The following SMYD3 variants were observed in gnomAD, a reference collection of about 807,000 sequenced individuals.
SMYD3 encodes histone-lysine N-methyltransferase SMYD3.
In SMYD3, 36 loss-of-function variants were observed where a neutral mutation model predicts 57.7. The observed-to-expected ratio is 0.62, with a 90% CI of 0.48 to 0.82. The LOEUF (loss-of-function observed/expected upper bound fraction) is 0.82. Ranked by LOEUF, SMYD3 falls within the 40% of genes least tolerant of loss-of-function variation. The probability of loss-of-function intolerance (pLI) is 0.00; values close to 1 mark genes in which losing one functional copy is unlikely to be tolerated. For synonymous variants in SMYD3, 211 were observed against 195.0 expected (o/e 1.08, Z -0.68); for missense variants, 515 against 538.8 (o/e 0.96, Z 0.44).
At chr1:246,465,767 T>C (rs1027095942) in intron 1 of SMYD3, among the ~76,000 whole-genome samples, 6 of 152,118 alleles carry the variant, frequency 3.9e-5, no homozygotes, top group South Asian at 4.1e-4. Flanking sequence ...ACTTAAACAC[T>C]TGTTTTTTGT....
At chr1:246,376,460 A>C (rs559504420) in intron 1 of SMYD3, among the ~76,000 whole-genome samples, 472 of 151,220 alleles carry the variant, frequency 3.1e-3, no homozygotes, top group African/African-American at 0.011. Context: ...GCGTGGTGGC[A>C]GGTGCCTGTA....
chr1:245,867,509 T>C (rs548447916), intron 8 of SMYD3, among the ~76,000 whole-genome samples: 1 of 152,270 alleles, frequency 6.6e-6, no homozygotes, highest in East Asian at 1.9e-4. Context: ...ATCACTCATT[T>C]ATTCCATTAA....
intron 2 of SMYD3, among the ~76,000 whole-genome samples, chr1:246,337,426 G>C (rs2065561129): frequency 6.6e-6 from 1 of 152,130 alleles, no homozygotes; most frequent in South Asian, 2.1e-4. Context: ...TTGTATGTGA[G>C]TGGGTTAAGC....
At chr1:246,201,378 G>T (rs12069319) in intron 5 of SMYD3, among the ~76,000 whole-genome samples, 19,339 of 152,058 alleles carry the variant, frequency 0.13, 3,192 homozygotes, top group African/African-American at 0.38. Flanking sequence ...GCAGAAAATG[G>T]GTGTTCATCT....
rs970256538 is a variant in SMYD3 at position 245,758,518 on chromosome 1, T to C, written c.1185+5523A>G. On this transcript the variant is annotated intron_variant, in intron 11 of 11. Coordinates refer to ENST00000490107, the MANE Select transcript of SMYD3 (RefSeq NM_001167740.2). The stretch of plus-strand genomic sequence containing the variant: ...AATTTTACTTTTTCTTCAGTATTTT[T>C]TTCTGTTTTTCAGCTTGGGCAGTTT... Among the ~76,000 whole-genome samples the C allele has an allele frequency of 3.9e-5, 6 of 152,298 alleles. No individual in the cohort carries two copies. In the East Asian group the frequency reaches 9.6e-4, roughly 24 times the overall value.
rs558738622 is a variant in SMYD3 at position 246,250,072 on chromosome 1, C to T, written c.531+77129G>A. 1.3e-3 allele frequency among the ~76,000 whole-genome samples: 195 copies of T among 152,282 alleles called. 1 individual carries two copies. Among genetic ancestry groups the T allele is most frequent in the Non-Finnish European group, 2.4e-3 (165 of 68,026 alleles). ...CTCCCCCTCTCTTGATATATACCTG[C>T]AAAACTGTCTAAAAATTCTATAAAA... On this transcript the variant is annotated intron_variant, in intron 5 of 11. Coordinates refer to ENST00000490107, the MANE Select transcript of SMYD3 (RefSeq NM_001167740.2).
intron 7 of SMYD3, among the ~76,000 whole-genome samples, chr1:245,916,531 C>T (rs1273400658): frequency 2.0e-5 from 3 of 152,116 alleles, no homozygotes; most frequent in Non-Finnish European, 4.4e-5. Context: ...TTTGACTTAT[C>T]CAAGTTGAAG....
intron 5 of SMYD3, among the ~76,000 whole-genome samples, chr1:246,267,488 G>A (rs1426443979): frequency 6.6e-6 from 1 of 152,148 alleles, no homozygotes; most frequent in Non-Finnish European, 1.5e-5. Flanking sequence ...ACATTTTAAA[G>A]TTTTCATTTG....
intron 11 of SMYD3, among the ~76,000 whole-genome samples, chr1:245,760,210 T>C (rs777273343): frequency 6.6e-6 from 1 of 152,246 alleles, no homozygotes; most frequent in Non-Finnish European, 1.5e-5. Context: ...GAAGCTCCTC[T>C]GATTTCTATT....
intron 5 of SMYD3, among the ~76,000 whole-genome samples, chr1:246,084,782 A>T (rs1457560536): frequency 6.6e-6 from 1 of 152,240 alleles, no homozygotes; most frequent in Non-Finnish European, 1.5e-5. Context: ...ATCAATGGCA[A>T]CAAAAGAATG....
At chr1:245,919,128 C>T (rs891612889) in intron 7 of SMYD3, among the ~76,000 whole-genome samples, 3 of 152,170 alleles carry the variant, frequency 2.0e-5, no homozygotes, top group South Asian at 2.1e-4. Flanking sequence ...CTGGCTTCCC[C>T]GCTGCCTGCA....
intron 5 of SMYD3, among the ~76,000 whole-genome samples, chr1:246,269,543 C>CT (rs570972296): frequency 0.022 from 3,028 of 135,160 alleles, 35 homozygotes; most frequent in Middle Eastern, 0.027. Flanking sequence ...CTTTTTTTTT[C>CT]TTTTTTTTTT....
intron 8 of SMYD3, among the ~76,000 whole-genome samples, chr1:245,887,785 A>T (rs1462712189): frequency 6.6e-6 from 1 of 152,164 alleles, no homozygotes; most frequent in Non-Finnish European, 1.5e-5. Flanking sequence ...CAGGAAGGGG[A>T]CATCTTTCAA....
chr1:246,090,672 C>G (rs2060808216), intron 5 of SMYD3, among the ~76,000 whole-genome samples: 1 of 151,942 alleles, frequency 6.6e-6, no homozygotes, highest in African/African-American at 2.4e-5. Context: ...CGTGCCCCAC[C>G]ACATCTGGCT....
At chr1:246,302,189 G>A (rs576362860) in intron 5 of SMYD3, among the ~76,000 whole-genome samples, 1 of 152,264 alleles carries the variant, frequency 6.6e-6, no homozygotes, top group South Asian at 2.1e-4. Context: ...GAGCTGAGAG[G>A]ATGAAAACCT....
intron 1 of SMYD3, among the ~76,000 whole-genome samples, chr1:246,484,023 T>C (rs111652174): frequency 7.3e-5 from 10 of 137,894 alleles, no homozygotes; most frequent in African/African-American, 2.6e-4. Context: ...ACCTAAACCA[T>C]TGCACTAGTT....
At chr1:246,242,249 C>T (rs375818064) in intron 5 of SMYD3, among the ~76,000 whole-genome samples, 1 of 152,176 alleles carries the variant, frequency 6.6e-6, no homozygotes, top group Non-Finnish European at 1.5e-5. Flanking sequence ...TTTCCCTCTA[C>T]ACACTGCTTT....
In SMYD3 at chr1:246,298,730, A is replaced by T. The variant is rs549356816; in HGVS notation, c.531+28471T>A. On this transcript the variant is annotated intron_variant, in intron 5 of 11. Transcript: ENST00000490107. The stretch of plus-strand genomic sequence containing the variant: ...ATACTTCATCATATAAAGAAGGAAC[A>T]GCTCTACTTTTAAAAGCCAGAGAAA... Among the ~76,000 whole-genome samples, 3 of 152,282 alleles carry T rather than the reference A, an allele frequency of 2.0e-5. No individual in the cohort carries two copies. In the East Asian group the frequency reaches 5.8e-4, roughly 29 times the overall value.
intron 5 of SMYD3, among the ~76,000 whole-genome samples, chr1:245,977,217 G>A (rs1320131986): frequency 1.3e-5 from 2 of 152,174 alleles, no homozygotes; most frequent in Non-Finnish European, 2.9e-5. Context: ...ACATTTCAAT[G>A]GTTTTCTGCT....
Sources: gnomAD v4.1 joint callset for allele counts (sites outside exome capture counted in the v4.1 genomes callset) on GRCh38, gnomAD v4.1.1 for gene constraint, MANE v1.5 for transcripts, NCBI Gene and HGNC (gene_info 2026-07-23, HGNC 2026-07-21) for gene names.